The following GRIK5 variants were observed in gnomAD, a reference collection of about 807,000 sequenced individuals.
GRIK5 encodes glutamate receptor ionotropic, kainate 5.
Under a neutral mutation model 97.4 loss-of-function variants are expected in GRIK5, and 43 were observed. The observed-to-expected ratio is 0.44, with a 90% CI of 0.35 to 0.57. The LOEUF (loss-of-function observed/expected upper bound fraction) is 0.57, where lower values mean the gene tolerates loss of function less well. Among genes scored for constraint, GRIK5 ranks in the 20% least tolerant of loss-of-function variants. The probability of loss-of-function intolerance (pLI) is 0.01; values close to 1 mark genes in which losing one functional copy is unlikely to be tolerated. For synonymous variants in GRIK5, 580 were observed against 583.5 expected (o/e 0.99, Z 0.09); for missense variants, 1,015 against 1,382.0 (o/e 0.73, Z 4.21).
At chr19:42,064,292 CCTT>C (rs1212917043) in intron 3 of GRIK5, among the ~76,000 whole-genome samples, 2 of 152,176 alleles carry the variant, frequency 1.3e-5, no homozygotes, top group Non-Finnish European at 2.9e-5. Context: ...ACTGTAGCCT[CCTT>C]GAGCCAGCGT....
chr19:42,028,942 G>C (rs1177744588), intron 12 of GRIK5, among the ~76,000 whole-genome samples: 1 of 152,218 alleles, frequency 6.6e-6, no homozygotes, highest in Non-Finnish European at 1.5e-5. Flanking sequence ...GCCAGAAAAA[G>C]CTGGCTAGGT....
intron 11 of GRIK5, among the ~76,000 whole-genome samples, chr19:42,049,009 C>T (rs1399200497): frequency 6.6e-6 from 1 of 152,104 alleles, no homozygotes; most frequent in Non-Finnish European, 1.5e-5. Context: ...CCACTGCACT[C>T]CAGCCTGGGT....
chr19:42,032,743 G>A (rs930181803), intron 12 of GRIK5, among the ~76,000 whole-genome samples: 2 of 152,174 alleles, frequency 1.3e-5, no homozygotes, highest in African/African-American at 2.4e-5. Context: ...AACTGGCCTC[G>A]CCATTCGCCA....
At chr19:42,007,463 G>A (rs1555873000) in intron 15 of GRIK5, among the ~76,000 whole-genome samples, 1 of 152,162 alleles carries the variant, frequency 6.6e-6, no homozygotes, top group African/African-American at 2.4e-5. Context: ...GAAACAAAAT[G>A]AGTCTTATTG....
Position 42,065,815 on chromosome 19 carries a change from C to T in GRIK5, c.-45G>A, listed in dbSNP as rs2076324310. 4.1e-6 allele frequency: 6 copies of T among 1,472,922 alleles called. No homozygotes were observed. In the African/African-American group the frequency reaches 4.2e-5, roughly 10 times the overall value. 91.2% of individuals were successfully genotyped at this position (1,472,922 alleles called of 1,614,324 possible). A position where few individuals can be genotyped will look rare whatever the true frequency, so the allele number is the denominator to read the frequency against. ...GGACGCAGCTGCCGCGGCCCCCACT[C>T]GCCACCTGCAGGGAGACCCCCCAGA... On this transcript the variant is annotated 5_prime_UTR_variant, in exon 2 of 20. Transcript: ENST00000593562. The surrounding 1 kb of genome is among the most constrained non-coding windows in gnomAD (Gnocchi z 5.8).
chr19:42,052,669 A>G (rs1281489564), intron 11 of GRIK5, among the ~76,000 whole-genome samples: 1 of 152,220 alleles, frequency 6.6e-6, no homozygotes, highest in Non-Finnish European at 1.5e-5. Flanking sequence ...GAGTGCTGAC[A>G]GGCCACGGAC....
chr19:42,054,048 C>A, intron 9 of GRIK5, 119 bp from the exon 10 acceptor site: 1 of 704,582 alleles, frequency 1.4e-6, no homozygotes, highest in Admixed American at 2.5e-5. Flanking sequence ...GTGGAGGGGA[C>A]AAGAGAGAGA....
At chr19:42,050,476 G>T (rs934902719) in intron 11 of GRIK5, among the ~76,000 whole-genome samples, 5 of 151,720 alleles carry the variant, frequency 3.3e-5, no homozygotes, top group African/African-American at 7.3e-5. Flanking sequence ...TGGCTAACAC[G>T]GTGAAACCCC....
Position 42,059,502 on chromosome 19 carries a change from C to T in GRIK5, c.534G>A (p.Val178=), listed in dbSNP as rs1192867767. The T allele has an allele frequency of 1.9e-6, 3 of 1,613,242 alleles. No individual in the cohort carries two copies. Among genetic ancestry groups the T allele is most frequent in the Non-Finnish European group, 1.7e-6 (2 of 1,179,868 alleles). The change falls in exon 6 of 20, where the codon GTG becomes GTA. Residue 178 remains valine, a synonymous_variant. Transcript: ENST00000593562. ...TCTCCTTGGAGATGAGGAAGCCACG[C>T]ACCAGTTCCTCCAATCGCAGCAGGC... ...AECLLRLEEL[V]RGFLISKETL... is the part of the protein sequence containing the mutation.
intron 12 of GRIK5, among the ~76,000 whole-genome samples, chr19:42,037,434 G>T (rs2075920916): frequency 6.6e-6 from 1 of 152,200 alleles, no homozygotes; most frequent in African/African-American, 2.4e-5. Context: ...ACTCCAGCCT[G>T]GGCGACAGAG....
chr19:42,021,993 G>C lies in GRIK5; in HGVS notation c.1651C>G (p.Leu551Val). The change falls in exon 14 of 20, where the codon CTT (leucine) becomes GTT (valine). Residue 551 changes from leucine (L) to valine (V), a missense_variant. Leu to Val is a conservative substitution (Grantham distance 32, BLOSUM62 1). Coordinates refer to ENST00000593562, the MANE Select transcript of GRIK5 (RefSeq NM_002088.5). The surrounding 1 kb of genome is among the most constrained non-coding windows in gnomAD (Gnocchi z 4.2). ...PFSPAVWLFM[L>V]LAYLAVSCVL... ...CAGCTGACAGCCAGGTAGGCAAGAA[G>C]CATGAAGAGCCACACAGCAGGGGAG... The C allele has an allele frequency of 6.2e-7, 1 of 1,614,016 alleles. No homozygotes were observed.
At chr19:42,059,293 G>A (rs1051173405) in intron 6 of GRIK5, 56 bp downstream of exon 6, 28 of 1,432,954 alleles carry the variant, frequency 2.0e-5, no homozygotes, top group South Asian at 3.6e-5. Context: ...TGACTTGCTC[G>A]GTCACCCCAA....
chr19:42,059,221 T>A, intron 6 of GRIK5, 128 bp downstream of exon 6: 1 of 700,310 alleles, frequency 1.4e-6, no homozygotes, highest in Non-Finnish European at 2.5e-6. Context: ...ACAATTATCA[T>A]CTTCACGGAA....
intron 15 of GRIK5, among the ~76,000 whole-genome samples, chr19:42,007,324 A>G (rs888981422): frequency 6.6e-6 from 1 of 151,856 alleles, no homozygotes; most frequent in African/African-American, 2.4e-5. Flanking sequence ...CGAACTCCTG[A>G]CCTCAGGTGA....
At chr19:42,032,576 T>C (rs2075852597) in intron 12 of GRIK5, among the ~76,000 whole-genome samples, 1 of 152,178 alleles carries the variant, frequency 6.6e-6, no homozygotes, top group African/African-American at 2.4e-5. Flanking sequence ...TAGCCATCAA[T>C]AGGGGATATG....
chr19:42,036,342 G>T (rs2075904873), intron 12 of GRIK5, among the ~76,000 whole-genome samples: 3 of 150,748 alleles, frequency 2.0e-5, no homozygotes, highest in Admixed American at 2.0e-4. Flanking sequence ...GATTACAGAT[G>T]TGAGCCACTG....
chr19:42,054,116 G>A (rs982196912), intron 9 of GRIK5, among the ~76,000 whole-genome samples, 187 bp from the exon 10 acceptor site: 9 of 152,044 alleles, frequency 5.9e-5, no homozygotes, highest in African/African-American at 2.2e-4. Flanking sequence ...GAGGAGATGG[G>A]ACAAAAGGCA....
chr19:42,016,956 T>G (rs8099939), intron 15 of GRIK5, among the ~76,000 whole-genome samples: 62,640 of 151,788 alleles, frequency 0.41, 16,057 homozygotes, highest in East Asian at 0.56. Flanking sequence ...TTTGCATGAT[T>G]ATAATATAAA....
chr19:42,024,820 C>T (rs2075749669), intron 12 of GRIK5, among the ~76,000 whole-genome samples: 1 of 152,206 alleles, frequency 6.6e-6, no homozygotes, highest in African/African-American at 2.4e-5. Flanking sequence ...CCCATCCATC[C>T]CTCCAGGGCT....
Sources: allele counts gnomAD v4.1 joint callset (sites outside exome capture counted in the v4.1 genomes callset), GRCh38; gene constraint gnomAD v4.1.1; non-coding constraint Gnocchi (gnomAD v3.1); transcripts MANE v1.5; gene names NCBI Gene and HGNC (gene_info 2026-07-23, HGNC 2026-07-21).